Variants in KIAA0513 observed in about 807,000 individuals in gnomAD.
KIAA0513 encodes KIAA0513.
In KIAA0513, 39 loss-of-function variants were observed where a neutral mutation model predicts 56.5. That is an observed-to-expected ratio of 0.69 (90% CI 0.53 to 0.90). The LOEUF is 0.90. KIAA0513 is among the 40% of genes least tolerant of loss of function. The pLI is 0.00. For synonymous variants in KIAA0513, 268 were observed against 215.6 expected, an observed-to-expected ratio of 1.24 and a Z score of -2.13; for missense variants, 591 against 535.2, an observed-to-expected ratio of 1.10 and a Z score of -1.03.
chr16:85,078,816 T>C, intron 7 of KIAA0513, 109 bp from the exon 8 acceptor site: 1 of 1,195,154 alleles, frequency 8.4e-7, no homozygotes, highest in South Asian at 1.3e-5. Flanking sequence ...CATCACGTGT[T>C]TCAGTGACAT....
chr16:85,064,672 G>A (rs973408902), intron 1 of KIAA0513, among the ~76,000 whole-genome samples: 4 of 152,172 alleles, frequency 2.6e-5, no homozygotes, highest in South Asian at 2.1e-4. Context: ...AATTGTCTAC[G>A]CCTTTAATAA....
rs116913797 is a variant in KIAA0513, at chr16:85,093,719, C to T, written c.*5394C>T. Reference sequence around the variant, plus strand: ...TTTGGCTGTTGGGGAGGAGTCCCTGCCATCCCGGTGAGCCTGGGGCTGTTG... The same window carrying T: ...TTTGGCTGTTGGGGAGGAGTCCCTGTCATCCCGGTGAGCCTGGGGCTGTTG... On this transcript the variant is annotated 3_prime_UTR_variant, in exon 13 of 13. Transcript: ENST00000683363. 0.018 allele frequency: 2,718 copies of T among 152,362 alleles called. 31 individuals carry two copies. The highest frequency in any genetic ancestry group is 0.065 in the East Asian group (336 of 5,186). 9.4% of individuals were successfully genotyped at this position (152,362 alleles called of 1,614,324 possible). A position where few individuals can be genotyped will look rare whatever the true frequency, so the allele number is the denominator to read the frequency against.
At chr16:85,041,038 C>T (rs568726810) in intron 1 of KIAA0513, among the ~76,000 whole-genome samples, 7 of 152,142 alleles carry the variant, frequency 4.6e-5, no homozygotes, top group Non-Finnish European at 1.0e-4. Context: ...TATTTTAATT[C>T]TTGTTATATA....
chr16:85,037,971 C>T (rs1228633904), intron 1 of KIAA0513, among the ~76,000 whole-genome samples: 1 of 152,212 alleles, frequency 6.6e-6, no homozygotes, highest in Non-Finnish European at 1.5e-5. Flanking sequence ...ACACAGTGGC[C>T]AGAGTGCAGC....
chr16:85,059,291 C>T (rs538184540), intron 1 of KIAA0513, among the ~76,000 whole-genome samples: 5 of 152,194 alleles, frequency 3.3e-5, no homozygotes, highest in African/African-American at 9.7e-5. Flanking sequence ...AAAAATTGAT[C>T]TATGCTGTGG....
chr16:85,082,667 G>T (rs1325593746), intron 10 of KIAA0513, 74 bp downstream of exon 10: 14 of 1,475,818 alleles, frequency 9.5e-6, no homozygotes, highest in Admixed American at 8.5e-5. Context: ...GGTGGGGGCT[G>T]TGCACTGTGC....
chr16:85,046,856 C>G (rs962718787), intron 1 of KIAA0513, among the ~76,000 whole-genome samples: 1 of 152,170 alleles, frequency 6.6e-6, no homozygotes, highest in African/African-American at 2.4e-5. Flanking sequence ...AATACCCCTC[C>G]TTACTTCTTG....
chr16:85,082,758 C>T (rs538922736), intron 10 of KIAA0513, among the ~76,000 whole-genome samples, 165 bp downstream of exon 10: 1 of 152,294 alleles, frequency 6.6e-6, no homozygotes, highest in Non-Finnish European at 1.5e-5. Context: ...GAGGTGAGGC[C>T]AGCGCTAGGG....
intron 1 of KIAA0513, among the ~76,000 whole-genome samples, chr16:85,046,850 C>T (rs1369682102): frequency 6.6e-6 from 1 of 152,200 alleles, no homozygotes; most frequent in East Asian, 1.9e-4. Flanking sequence ...GTTAAGAATA[C>T]CCCTCCTTAC....
chr16:85,042,399 G>C (rs976512988), intron 1 of KIAA0513, among the ~76,000 whole-genome samples: 3 of 152,278 alleles, frequency 2.0e-5, no homozygotes, highest in East Asian at 1.9e-4. Flanking sequence ...GCTATGTAAA[G>C]GGTCCTTATT....
Position 85,077,447 on chromosome 16 carries a change from G to A in KIAA0513, c.597G>A (p.Pro199=), listed in dbSNP as rs142927887. 51 of 1,614,126 alleles carry A rather than the reference G, an allele frequency of 3.2e-5. No homozygotes were observed. The Admixed American group carries it at 4.5e-4, about 14-fold the overall frequency. ...YHIGKPQLLP[P]ESREKPAGSI... ...AAGGAAAACCACAGCTGCTGCCCCC[G>A]GAGTCCCGGGAGAAGCCCGCGGGCA... The change falls in exon 6 of 13, where the codon CCG becomes CCA. Residue 199 remains proline (P), a synonymous_variant. Transcript: ENST00000683363.
chr16:85,058,667 A>AC lies in KIAA0513; in HGVS notation c.-172-8233_-172-8232insC, dbSNP rs200334506. Among the ~76,000 whole-genome samples the AC allele has an allele frequency of 2.8e-4, 43 of 151,648 alleles. No individual in the cohort carries two copies. In the South Asian group the frequency reaches 5.0e-3, roughly 18 times the overall value. Reference sequence around the variant, plus strand: ...AACTCCATCTCACAAAAAAAAAAAAAACACACAAGAAAACAAACAAAAAAC... The same window carrying AC: ...AACTCCATCTCACAAAAAAAAAAAAACACACACAAGAAAACAAACAAAAAAC... On this transcript the variant is annotated intron_variant, in intron 1 of 12. Transcript: ENST00000683363.
Position 85,089,561 on chromosome 16 carries a change from C to T in KIAA0513, c.*1236C>T, listed in dbSNP as rs968347897. 1 of 152,588 alleles carries T rather than the reference C, an allele frequency of 6.6e-6. No individual in the cohort carries two copies. Among genetic ancestry groups the T allele is most frequent in the African/African-American group, 2.4e-5 (1 of 41,464 alleles). 9.5% of individuals were successfully genotyped at this position (152,588 alleles called of 1,614,324 possible). On this transcript the variant is annotated 3_prime_UTR_variant, in exon 13 of 13. Coordinates refer to ENST00000683363, the MANE Select transcript of KIAA0513 (RefSeq NM_001388359.1). The surrounding 1 kb of genome is among the most constrained non-coding windows in gnomAD (Gnocchi z 4.2). Reference sequence around the variant, plus strand: ...CCTTCTGTTTCACCGTGCGTGGACACTGCTAGGCCGCCTGGGGTCCCCTGC... The same window carrying T: ...CCTTCTGTTTCACCGTGCGTGGACATTGCTAGGCCGCCTGGGGTCCCCTGC...
chr16:85,029,196 A>G (rs1442740015), intron 1 of KIAA0513, among the ~76,000 whole-genome samples: 11 of 152,212 alleles, frequency 7.2e-5, no homozygotes, highest in African/African-American at 2.4e-4. Context: ...TTGGCTCGCA[A>G]TGAAAAAGTT....
chr16:85,088,380 C>T lies in KIAA0513; in HGVS notation c.*55C>T, dbSNP rs775648819. The T allele has an allele frequency of 1.3e-6, 2 of 1,526,410 alleles. No homozygotes were observed. Among genetic ancestry groups the T allele is most frequent in the Non-Finnish European group, 1.8e-6 (2 of 1,112,232 alleles). 94.6% of individuals were successfully genotyped at this position (1,526,410 alleles called of 1,614,324 possible). On this transcript the variant is annotated 3_prime_UTR_variant, in exon 13 of 13. Coordinates refer to ENST00000683363, the MANE Select transcript of KIAA0513 (RefSeq NM_001388359.1). ...TGAGGCCATGTGCCATTCTCCCGGGCCCAGCGCCCGGCCGTCACCCCACCC... is the reference window on the plus strand; with the variant it reads ...TGAGGCCATGTGCCATTCTCCCGGGTCCAGCGCCCGGCCGTCACCCCACCC...
chr16:85,061,394 G>A (rs764141805), intron 1 of KIAA0513, among the ~76,000 whole-genome samples: 1 of 152,164 alleles, frequency 6.6e-6, no homozygotes, highest in African/African-American at 2.4e-5. Context: ...CCTGTGTGCG[G>A]GTTCCTTGCC....
chr16:85,078,465 C>T lies in KIAA0513; in HGVS notation c.823+10C>T. On this transcript the variant is annotated intron_variant, in intron 7 of 12. Transcript: ENST00000683363. ...AAGCGGCCCAGGGCTGGTGAGTCTG[C>T]CCAGGCAGCAGCAGGAGACGCCCAG... 13 of 1,612,878 alleles carry T rather than the reference C, an allele frequency of 8.1e-6. No homozygotes were observed. Among genetic ancestry groups the T allele is most frequent in the Non-Finnish European group, 1.0e-5 (12 of 1,179,722 alleles).
intron 1 of KIAA0513, among the ~76,000 whole-genome samples, chr16:85,048,197 C>G (rs1205350742): frequency 6.6e-6 from 1 of 152,204 alleles, no homozygotes; most frequent in Non-Finnish European, 1.5e-5. Flanking sequence ...TCCCCTAACT[C>G]CCTCACCCAT....
At chr16:85,079,599 A>G (rs1030453370) in intron 8 of KIAA0513, 1 of 152,988 alleles carries the variant, frequency 6.5e-6, no homozygotes, top group African/African-American at 2.4e-5. Flanking sequence ...GCAGATTCCT[A>G]GAGACACAGC....
Sources: allele counts gnomAD v4.1 joint callset (sites outside exome capture counted in the v4.1 genomes callset), GRCh38; gene constraint gnomAD v4.1.1; non-coding constraint Gnocchi (gnomAD v3.1); transcripts MANE v1.5; gene names NCBI Gene and HGNC (gene_info 2026-07-23, HGNC 2026-07-21).